PDGFRL: variants seen among roughly 807,000 people sequenced by gnomAD.
PDGFRL encodes the protein platelet-derived growth factor receptor-like protein.
A neutral mutation model predicts 37.2 loss-of-function variants in PDGFRL; 46 were observed. That is an observed-to-expected ratio of 1.24 (90% confidence interval 0.98 to 1.58). The LOEUF is 1.58. PDGFRL is among the 40% of genes most tolerant of loss of function. The pLI is 0.00. For missense variants in PDGFRL, 692 were observed against 467.6 expected (o/e 1.48, Z -4.43); for synonymous variants, 251 against 184.3 (o/e 1.36, Z -2.93).
intron 2 of PDGFRL, among the ~76,000 whole-genome samples, chr8:17,619,690 A>T (rs2129758617): frequency 6.6e-6 from 1 of 152,256 alleles, no homozygotes; most frequent in African/African-American, 2.4e-5. Flanking sequence ...GATGAAAGGG[A>T]TTTTGGATAT....
chr8:17,609,784 A>G (rs190944211), intron 2 of PDGFRL, among the ~76,000 whole-genome samples: 1 of 152,232 alleles, frequency 6.6e-6, no homozygotes, highest in East Asian at 1.9e-4. Context: ...ATTGAGCCAC[A>G]GAGCCTAAGA....
intron 2 of PDGFRL, among the ~76,000 whole-genome samples, chr8:17,616,881 C>T (rs1471643758): frequency 2.6e-5 from 4 of 152,132 alleles, no homozygotes; most frequent in African/African-American, 7.2e-5. Context: ...CCTTGGCTTG[C>T]AGAGTCTTCA....
Position 17,577,291 on chromosome 8 carries a change from C to G in PDGFRL, c.39C>G (p.His13Gln), listed in dbSNP as rs1461781557. Residue 13 changes from histidine to glutamine, a missense_variant, in exon 1 of 6, where the codon CAC (histidine) becomes CAG (glutamine). Transcript: ENST00000251630. ...TGCTGCTTGGTCTTCTGCTGGTGCA[C>G]GAAGCGCTGGAGGATGGTGAGTGAC... ...VWLLLGLLLV[H>Q]EALEDVTGQH... The G allele has an allele frequency of 8.7e-6, 14 of 1,612,832 alleles. No individual in the cohort carries two copies. Among genetic ancestry groups the G allele is most frequent in the African/African-American group, 2.7e-5 (2 of 74,820 alleles).
intron 3 of PDGFRL, among the ~76,000 whole-genome samples, chr8:17,621,522 G>C (rs985974879): frequency 1.3e-5 from 2 of 151,952 alleles, no homozygotes; most frequent in African/African-American, 4.8e-5. Context: ...TGGTTCCAGG[G>C]TCTGTCCCTG....
rs369233137 is a variant in PDGFRL at position 17,628,778 on chromosome 8, C to T, written c.797C>T (p.Ala266Val). The T allele has an allele frequency of 7.4e-6, 12 of 1,611,396 alleles. No individual in the cohort carries two copies. In the East Asian group the frequency reaches 1.6e-4, roughly 21 times the overall value. Residue 266 changes from alanine to valine, a missense_variant and splice_region_variant, in exon 4 of 6, where the codon GCG (alanine) becomes GTG (valine). Ala to Val is a moderately conservative substitution (Grantham distance 64). Coordinates refer to ENST00000251630, the MANE Select transcript of PDGFRL (RefSeq NM_001372073.1). ...GTCAAGTACCAGCTGCTCTATGTGG[C>T]GGGTAAGCCTGGCCACCCCTGCCTA... ...ISVKYQLLYV[A>V]VPSGPPSTTI...
At chr8:17,588,544 A>T (rs1245183032) in intron 1 of PDGFRL, among the ~76,000 whole-genome samples, 1 of 152,040 alleles carries the variant, frequency 6.6e-6, no homozygotes, top group Non-Finnish European at 1.5e-5. Context: ...ATGGTCTCAC[A>T]TATGTGTAGG....
chr8:17,632,166 C>G (rs1195868577), intron 4 of PDGFRL, among the ~76,000 whole-genome samples: 2 of 152,208 alleles, frequency 1.3e-5, no homozygotes, highest in African/African-American at 4.8e-5. Flanking sequence ...CCCTCCTCCT[C>G]CCGATCCTTT....
At chr8:17,631,673 G>A (rs995258273) in intron 4 of PDGFRL, among the ~76,000 whole-genome samples, 1 of 152,100 alleles carries the variant, frequency 6.6e-6, no homozygotes, top group African/African-American at 2.4e-5. Flanking sequence ...CCACCAAAAC[G>A]GCTATTGCCA....
intron 2 of PDGFRL, among the ~76,000 whole-genome samples, chr8:17,614,746 T>C (rs148000162): frequency 6.6e-6 from 1 of 152,126 alleles, no homozygotes; most frequent in Non-Finnish European, 1.5e-5. Flanking sequence ...ATCCAGCTAA[T>C]TTTTAACATT....
chr8:17,635,108 T>C (rs1228278262), intron 5 of PDGFRL, among the ~76,000 whole-genome samples: 7 of 152,226 alleles, frequency 4.6e-5, no homozygotes, highest in African/African-American at 1.7e-4. Context: ...CCTGGGGTCC[T>C]TCAGAGTGTT....
chr8:17,637,154 A>C (rs1040906667), intron 5 of PDGFRL, among the ~76,000 whole-genome samples: 1 of 152,090 alleles, frequency 6.6e-6, no homozygotes, highest in Non-Finnish European at 1.5e-5. Context: ...TACTATGTTG[A>C]ATGCAAGTGG....
intron 1 of PDGFRL, among the ~76,000 whole-genome samples, chr8:17,582,675 A>G (rs931971542): frequency 3.3e-5 from 5 of 152,076 alleles, no homozygotes; most frequent in Non-Finnish European, 5.9e-5. Context: ...GGAAGCAGAG[A>G]GTAAAAGTTT....
chr8:17,617,130 T>C (rs1363311609), intron 2 of PDGFRL, among the ~76,000 whole-genome samples: 2 of 152,274 alleles, frequency 1.3e-5, no homozygotes, highest in East Asian at 3.9e-4. Context: ...TGCACACACA[T>C]ACACATACAC....
chr8:17,591,753 C>A (rs1270719311), intron 2 of PDGFRL, among the ~76,000 whole-genome samples: 1 of 152,092 alleles, frequency 6.6e-6, no homozygotes, highest in East Asian at 1.9e-4. Flanking sequence ...CCCATCTCTA[C>A]TAACAATATA....
chr8:17,631,090 G>C (rs1804852367), intron 4 of PDGFRL, among the ~76,000 whole-genome samples: 1 of 152,034 alleles, frequency 6.6e-6, no homozygotes, highest in Non-Finnish European at 1.5e-5. Context: ...TTTTGCCCCG[G>C]GCTGATGGCA....
intron 3 of PDGFRL, among the ~76,000 whole-genome samples, chr8:17,626,403 T>TA (rs1231890008): frequency 6.6e-6 from 1 of 152,164 alleles, no homozygotes; most frequent in African/African-American, 2.4e-5. Context: ...TGAGCCATGA[T>TA]ATACTCTTCC....
chr8:17,642,741 T>C lies in PDGFRL; in HGVS notation c.1068T>C (p.Ile356=), dbSNP rs773723156. The change falls in exon 6 of 6, where the codon ATT becomes ATC. Residue 356 remains isoleucine (I), a synonymous_variant. Transcript: ENST00000251630. ...AGACGATTGATGCAGGATATTACATTTGCACTGCTCAGAATCTTCAAGGAC... is the reference window on the plus strand; with the variant it reads ...AGACGATTGATGCAGGATATTACATCTGCACTGCTCAGAATCTTCAAGGAC... The part of the protein sequence containing the change: ...DFETIDAGYY[I]CTAQNLQGQT... 4.3e-6 allele frequency: 7 copies of C among 1,609,834 alleles called. No individual in the cohort carries two copies. Among genetic ancestry groups the C allele is most frequent in the Non-Finnish European group, 4.3e-6 (5 of 1,176,052 alleles).
intron 2 of PDGFRL, among the ~76,000 whole-genome samples, chr8:17,605,302 C>G (rs1292023194): frequency 6.6e-6 from 1 of 152,170 alleles, no homozygotes; most frequent in African/African-American, 2.4e-5. Context: ...TGCCCCATAC[C>G]CATTTCACTC....
At position 17,628,718 on chromosome 8, in the gene PDGFRL, G is replaced by T. The variant is rs1385754425; in HGVS notation, c.737G>T (p.Cys246Phe). ...TCCGAGCACCAGGGTGTGGTTTACT[G>T]CAGGGCGGAGGCCGGGGGCAGATCT... ...PHSEHQGVVYCRAEAGGRSQI... is the reference protein window; with the variant it reads ...PHSEHQGVVYFRAEAGGRSQI... The change falls in exon 4 of 6, where the codon TGC (cysteine) becomes TTC (phenylalanine). Residue 246 changes from cysteine (C) to phenylalanine (F), a missense_variant. Coordinates refer to ENST00000251630, the MANE Select transcript of PDGFRL (RefSeq NM_001372073.1). 1.9e-6 allele frequency: 3 copies of T among 1,614,096 alleles called. No individual in the cohort carries two copies. The highest frequency in any genetic ancestry group is 3.3e-5 in the Admixed American group (2 of 60,030).
Sources: gnomAD v4.1 joint callset for allele counts (sites outside exome capture counted in the v4.1 genomes callset) on GRCh38, gnomAD v4.1.1 for gene constraint, MANE v1.5 for transcripts, NCBI Gene and HGNC (gene_info 2026-07-23, HGNC 2026-07-21) for gene names.